The following SCMH1 variants were observed in gnomAD, a reference collection of about 807,000 sequenced individuals.
The protein encoded by SCMH1 is Scm polycomb group protein homolog 1.
A neutral mutation model predicts 70.8 loss-of-function variants in SCMH1; 37 were observed. The ratio of observed to expected loss-of-function variants is 0.52; its 90% CI spans 0.40 to 0.69. The LOEUF (loss-of-function observed/expected upper bound fraction) is 0.69, where lower values mean the gene tolerates loss of function less well. Among genes scored for constraint, SCMH1 ranks in the 30% least tolerant of loss-of-function variants. The pLI is 0.00. For synonymous variants in SCMH1, 292 were observed against 307.4 expected (o/e 0.95, Z 0.52); for missense variants, 607 against 827.3 (o/e 0.73, Z 3.27).
intron 1 of SCMH1, among the ~76,000 whole-genome samples, chr1:41,191,474 T>C (rs895215117): frequency 6.6e-6 from 1 of 152,218 alleles, no homozygotes; most frequent in Non-Finnish European, 1.5e-5. Context: ...ATTTCATATA[T>C]TGGATTTTCT....
At chr1:41,204,648 T>C (rs1655089327) in intron 1 of SCMH1, among the ~76,000 whole-genome samples, 2 of 152,204 alleles carry the variant, frequency 1.3e-5, no homozygotes, top group African/African-American at 4.8e-5. Context: ...TTAGCTTAAA[T>C]GTCACCTCCT....
intron 2 of SCMH1, among the ~76,000 whole-genome samples, chr1:41,174,665 A>T (rs1646997174): frequency 6.6e-6 from 1 of 152,208 alleles, no homozygotes; most frequent in African/African-American, 2.4e-5. Context: ...CAGAAACAAG[A>T]ACTGTAATTG....
intron 14 of SCMH1, 119 bp from the exon 16 acceptor site, chr1:41,028,438 A>T (rs1030555097): frequency 5.0e-5 from 75 of 1,510,080 alleles, no homozygotes; most frequent in Non-Finnish European, 6.4e-5. Flanking sequence ...CATGGAGTCC[A>T]GTTCACCTGC....
At chr1:41,232,926 G>C (rs186835616) in intron 1 of SCMH1, among the ~76,000 whole-genome samples, 189 of 152,280 alleles carry the variant, frequency 1.2e-3, no homozygotes, top group Non-Finnish European at 2.2e-3. Context: ...ATACATGTCT[G>C]CTATGTGGCA....
intron 4 of SCMH1, 76 bp from the exon 5 acceptor site, chr1:41,151,760 C>G: frequency 1.0e-6 from 1 of 959,912 alleles, no homozygotes; most frequent in East Asian, 2.5e-5. Context: ...CTACACTAAA[C>G]AGTAAGCTAT....
At chr1:41,217,508 G>C (rs368421360) in intron 1 of SCMH1, among the ~76,000 whole-genome samples, 1 of 152,208 alleles carries the variant, frequency 6.6e-6, no homozygotes, top group African/African-American at 2.4e-5. Flanking sequence ...TATAGCATTT[G>C]CATGTGATTC....
chr1:41,102,208 G>C (rs1666812745), intron 8 of SCMH1, among the ~76,000 whole-genome samples: 1 of 152,116 alleles, frequency 6.6e-6, no homozygotes, highest in African/African-American at 2.4e-5. Flanking sequence ...GCATAGGAGA[G>C]CATGAACAAT....
At chr1:41,146,218 TAA>T (rs776753680) in intron 5 of SCMH1, among the ~76,000 whole-genome samples, 3 of 136,046 alleles carry the variant, frequency 2.2e-5, no homozygotes. Context: ...GTTTAAAAGG[TAA>T]AAAAAAAAAA....
intron 1 of SCMH1, among the ~76,000 whole-genome samples, chr1:41,192,327 T>C (rs908373589): frequency 2.0e-5 from 3 of 152,186 alleles, no homozygotes; most frequent in African/African-American, 7.2e-5. Context: ...TTCTCTATTA[T>C]GAAGACTCTG....
At position 41,127,140 on chromosome 1, in the gene SCMH1, G is replaced by A. The variant is rs1350758047; in HGVS notation, c.413-10130C>T. Among the ~76,000 whole-genome samples the A allele has an allele frequency of 2.0e-5, 3 of 152,048 alleles. No homozygotes were observed. The East Asian group carries it at 5.8e-4, about 29-fold the overall frequency. ...TGGTGTGAATTTTCATATGTCTGAG[G>A]ACCATTTGTATATCTTCTGTCAACT... On this transcript the variant is annotated intron_variant, in intron 6 of 14. Coordinates refer to ENST00000337495, the Ensembl canonical transcript of SCMH1.
At chr1:41,201,423 C>G (rs1654331918) in intron 1 of SCMH1, among the ~76,000 whole-genome samples, 1 of 152,220 alleles carries the variant, frequency 6.6e-6, no homozygotes, top group South Asian at 2.1e-4. Context: ...CAAGTGTTCT[C>G]TTAGTGCCTT....
chr1:41,178,557 A>T (rs1647698585), intron 2 of SCMH1, among the ~76,000 whole-genome samples: 1 of 152,194 alleles, frequency 6.6e-6, no homozygotes, highest in African/African-American at 2.4e-5. Flanking sequence ...GAGCAAATGA[A>T]AAACAAAAAA....
At chr1:41,106,472 A>G (rs1347237095) in intron 8 of SCMH1, among the ~76,000 whole-genome samples, 1 of 151,742 alleles carries the variant, frequency 6.6e-6, no homozygotes, top group Non-Finnish European at 1.5e-5. Context: ...AGCCTGCAGA[A>G]CTCTAAGCCA....
At chr1:41,070,604 C>G (rs763653610) in exon 10 of SCMH1, 1 of 1,614,062 alleles carries the variant, frequency 6.2e-7, no homozygotes, top group African/African-American at 1.3e-5. Flanking sequence ...CCTGTTGGGG[C>G]CTGCATGGCT....
At chr1:41,228,581 A>C (rs541307337) in intron 1 of SCMH1, among the ~76,000 whole-genome samples, 2 of 151,594 alleles carry the variant, frequency 1.3e-5, no homozygotes, top group Admixed American at 6.6e-5. Flanking sequence ...CTAGGAGTTC[A>C]AGACCAGCCC....
intron 5 of SCMH1, among the ~76,000 whole-genome samples, 196 bp from the exon 6 acceptor site, chr1:41,143,308 A>G (rs1644263890): frequency 6.6e-6 from 1 of 152,180 alleles, no homozygotes; most frequent in South Asian, 2.1e-4. Context: ...CGAAGCATCA[A>G]ATAGACCCAT....
rs548733204 is a variant in SCMH1 at position 41,058,378 on chromosome 1, G to GTTTTTTTTTTTTTTTTTTTTTT, written c.1106-9510_1106-9489dup. ...TTAGTATTTATACATTTTCTTTCTT[G>GTTTTTTTTTTTTTTTTTTTTTT]TTTTTTTTTTTTTTTTTTTTTTGAG... On this transcript the variant is annotated intron_variant, in intron 10 of 14. Coordinates refer to ENST00000337495, the Ensembl canonical transcript of SCMH1. Among the ~76,000 whole-genome samples, 5 of 81,640 alleles carry GTTTTTTTTTTTTTTTTTTTTTT rather than the reference G, an allele frequency of 6.1e-5. 1 individual carries two copies. Among genetic ancestry groups the GTTTTTTTTTTTTTTTTTTTTTT allele is most frequent in the African/African-American group, 1.0e-4 (2 of 19,798 alleles). 53.6% of individuals were successfully genotyped at this position (81,640 alleles called of 152,430 possible).
intron 6 of SCMH1, among the ~76,000 whole-genome samples, chr1:41,138,942 C>T (rs1173006691): frequency 1.3e-5 from 2 of 152,112 alleles, no homozygotes; most frequent in Admixed American, 1.3e-4. Flanking sequence ...ACAAAAGGTT[C>T]TATTGGCAGG....
At chr1:41,189,253 G>A (rs532057991) in intron 1 of SCMH1, among the ~76,000 whole-genome samples, 6 of 152,242 alleles carry the variant, frequency 3.9e-5, no homozygotes, top group South Asian at 2.1e-4. Flanking sequence ...GGGTTCCAGC[G>A]ATTCTCCTGC....
Sources: gnomAD v4.1 joint callset for allele counts (sites outside exome capture counted in the v4.1 genomes callset) on GRCh38, gnomAD v4.1.1 for gene constraint, MANE v1.5 for transcripts, NCBI Gene and HGNC (gene_info 2026-07-23, HGNC 2026-07-21) for gene names.